The following MTMR4 variants were observed in gnomAD, a reference collection of about 807,000 sequenced individuals.
MTMR4 encodes myotubularin related protein 4.
Under a neutral mutation model 125.5 loss-of-function variants are expected in MTMR4, and 30 were observed. That is an observed-to-expected ratio of 0.24 (90% CI 0.18 to 0.32). The LOEUF is 0.32. Among genes scored for constraint, MTMR4 ranks in the 10% least tolerant of loss-of-function variants. The pLI, the probability that MTMR4 is intolerant of heterozygous loss-of-function variation, is 1.00. For missense variants in MTMR4, 1,039 were observed against 1,511.5 expected, an observed-to-expected ratio of 0.69 and a Z score of 5.18; for synonymous variants, 498 against 564.5, an observed-to-expected ratio of 0.88 and a Z score of 1.67.
At chr17:58,499,872 C>T (rs1242486387) in intron 14 of MTMR4, among the ~76,000 whole-genome samples, 1 of 151,620 alleles carries the variant, frequency 6.6e-6, no homozygotes, top group Non-Finnish European at 1.5e-5. Flanking sequence ...CCTCATGATC[C>T]GCCCGCCTCG....
upstream of MTMR4, among the ~76,000 whole-genome samples, chr17:58,515,479 T>TA (rs552953932): frequency 2.2e-4 from 34 of 152,228 alleles, 1 homozygote; most frequent in Non-Finnish European, 2.1e-4. Flanking sequence ...GACATTTTAT[T>TA]AAGCATCTAC....
In MTMR4 at chr17:58,508,618, T is replaced by C; in HGVS notation, c.497-54A>G. On this transcript the variant is annotated intron_variant, in intron 5 of 17. Coordinates refer to ENST00000682306, the MANE Select transcript of MTMR4 (RefSeq NM_001378067.1). This position sits in a 1 kb window ranked among gnomAD's most constrained non-coding sequence, Gnocchi z 4.8. ...TTCCCAGAGCACCAATGTGCAGGAG[T>C]GGAGGAGGGATGAGAACTAAGGGGT... 6.2e-7 allele frequency: 1 copy of C among 1,613,346 alleles called. No individual in the cohort carries two copies. Among genetic ancestry groups the C allele is most frequent in the East Asian group, 2.2e-5 (1 of 44,858 alleles).
intron 14 of MTMR4, among the ~76,000 whole-genome samples, chr17:58,496,597 T>G (rs1975473048): frequency 6.6e-6 from 1 of 152,128 alleles, no homozygotes; most frequent in Non-Finnish European, 1.5e-5. Context: ...AACCTACCAG[T>G]CTCCCTGGGC....
At chr17:58,501,927 C>T (rs1461448333) in intron 14 of MTMR4, among the ~76,000 whole-genome samples, 1 of 151,682 alleles carries the variant, frequency 6.6e-6, no homozygotes, top group Non-Finnish European at 1.5e-5. Flanking sequence ...GGCATGGTGG[C>T]GCATGCCTGT....
Position 58,503,829 on chromosome 17 carries a change from G to A in MTMR4, c.1768C>T (p.Pro590Ser), listed in dbSNP as rs1344213022. Residue 590 changes from proline to serine, a missense_variant, in exon 14 of 18, where the codon CCA becomes TCA. Coordinates refer to ENST00000682306, the MANE Select transcript of MTMR4 (RefSeq NM_001378067.1). ...ATGTTTTCTTCCCCAAGTGTGCATG[G>A]AGATGATGCTGGCAGATAAACAGCT... ...WTAVYLPASS[P>S]CTLGEENMDL... is the part of the protein sequence containing the mutation. The A allele has an allele frequency of 3.1e-6, 5 of 1,614,074 alleles. No homozygotes were observed. The highest frequency in any genetic ancestry group is 4.2e-6 in the Non-Finnish European group (5 of 1,180,036).
At chr17:58,513,861 A>T (rs1397287769) in intron 1 of MTMR4, 3 of 152,508 alleles carry the variant, frequency 2.0e-5, no homozygotes, top group African/African-American at 7.2e-5. Flanking sequence ...AAGATGGAGA[A>T]GAGAGGCTGT....
chr17:58,514,480 C>T lies in MTMR4; in HGVS notation c.-73G>A. On this transcript the variant is annotated 5_prime_UTR_variant, in exon 1 of 18. Transcript: ENST00000682306. ...CTGCCCGCCAGCCCCGGGCGCCCGC[C>T]GCATCCCGGCTGCGGGGCTCGCCAG... is the stretch of plus-strand genomic sequence containing the variant. 1.0e-6 allele frequency: 1 copy of T among 984,902 alleles called. No homozygotes were observed. The highest frequency in any genetic ancestry group is 4.7e-5 in the South Asian group (1 of 21,286). 61.0% of individuals were successfully genotyped at this position (984,902 alleles called of 1,614,324 possible). A position where few individuals can be genotyped will look rare whatever the true frequency, so the allele number is the denominator to read the frequency against.
At position 58,504,412 on chromosome 17, in the gene MTMR4, T is replaced by G. The variant is rs770833294; in HGVS notation, c.1418A>C (p.Asn473Thr). 1.9e-6 allele frequency: 3 copies of G among 1,614,110 alleles called. No individual in the cohort carries two copies. The South Asian group carries it at 3.3e-5, about 18-fold the overall frequency. ...KFGDRCGHQE[N>T]VEDQNEQCPV... is the part of the protein sequence containing the mutation. ...GCATTGTTCGTTTTGGTCCTCCACA[T>G]TCTCTTGGTGGCCACAGCGATCTCC... The change falls in exon 12 of 18, where the codon AAT becomes ACT. Residue 473 changes from asparagine (N) to threonine (T), a missense_variant. Coordinates refer to ENST00000682306, the MANE Select transcript of MTMR4 (RefSeq NM_001378067.1). The surrounding 1 kb of genome is among the most constrained non-coding windows in gnomAD (Gnocchi z 7.1).
chr17:58,512,389 C>G lies in MTMR4; in HGVS notation c.252+1G>C. ...GGTAGGAGAACAATACAGAAACTCA[C>G]GTTGATGACAGAGTCCTTGAATTTG... On this transcript the variant is annotated splice_donor_variant, in intron 3 of 17. Transcript: ENST00000682306. LOFTEE classifies it high-confidence loss of function. The surrounding 1 kb of genome is among the most constrained non-coding windows in gnomAD (Gnocchi z 4.1). 1.2e-6 allele frequency: 2 copies of G among 1,608,410 alleles called. No individual in the cohort carries two copies. The highest frequency in any genetic ancestry group is 2.2e-5 in the East Asian group (1 of 44,858).
chr17:58,492,072 T>A (rs568702625), intron 17 of MTMR4, among the ~76,000 whole-genome samples: 2 of 152,298 alleles, frequency 1.3e-5, no homozygotes, highest in East Asian at 3.9e-4. Flanking sequence ...TGATACTAAA[T>A]GAAAAGTTGG....
intron 14 of MTMR4, among the ~76,000 whole-genome samples, chr17:58,498,120 A>T (rs1443953774): frequency 1.3e-5 from 2 of 152,020 alleles, no homozygotes; most frequent in African/African-American, 4.8e-5. Flanking sequence ...CCCAGCTCCT[A>T]CTTGGGAGGC....
intron 14 of MTMR4, among the ~76,000 whole-genome samples, chr17:58,501,451 AC>A (rs1975626139): frequency 6.6e-6 from 1 of 151,998 alleles, no homozygotes; most frequent in East Asian, 1.9e-4. Flanking sequence ...GTGCCACTGC[AC>A]CCAGCCTGAG....
upstream of MTMR4, chr17:58,516,539 T>C: frequency 6.2e-7 from 1 of 1,612,450 alleles, no homozygotes; most frequent in Non-Finnish European, 8.5e-7. Context: ...ACACATGGAT[T>C]ACAGAAAACA....
At chr17:58,511,195 C>G (rs1471668067) in intron 4 of MTMR4, 2 of 416,290 alleles carry the variant, frequency 4.8e-6, no homozygotes, top group Non-Finnish European at 8.6e-6. Context: ...TACACATTAT[C>G]TCACTTAATC....
At position 58,492,994 on chromosome 17, in the gene MTMR4, T is replaced by C. The variant is rs374279752; in HGVS notation, c.3253-42A>G. On this transcript the variant is annotated intron_variant, in intron 15 of 17. Coordinates refer to ENST00000682306, the MANE Select transcript of MTMR4 (RefSeq NM_001378067.1). ...GACAACAAATTATCTTCATCATCAT[T>C]AACGCTTACTGTTTACCATGTGTCA... The C allele has an allele frequency of 8.7e-6, 13 of 1,495,116 alleles. No individual in the cohort carries two copies. In the African/African-American group the frequency reaches 1.1e-4, roughly 13 times the overall value. 92.6% of individuals were successfully genotyped at this position (1,495,116 alleles called of 1,614,324 possible).
chr17:58,501,893 T>A (rs1245892180), intron 14 of MTMR4, among the ~76,000 whole-genome samples: 1 of 151,736 alleles, frequency 6.6e-6, no homozygotes, highest in African/African-American at 2.4e-5. Flanking sequence ...ACCCCGTCTC[T>A]ACTACAAATA....
At chr17:58,517,235 C>T (rs2042029695), upstream of MTMR4, among the ~76,000 whole-genome samples, 1 of 152,228 alleles carries the variant, frequency 6.6e-6, no homozygotes, top group South Asian at 2.1e-4. Context: ...ACAACAGGGA[C>T]AGAATCAGGC....
intron 15 of MTMR4, among the ~76,000 whole-genome samples, chr17:58,494,574 C>T (rs1567925902): frequency 6.6e-6 from 1 of 152,118 alleles, no homozygotes; most frequent in Non-Finnish European, 1.5e-5. Flanking sequence ...CTCGCATGTC[C>T]CATCTTTTTA....
rs3744108 is a variant in MTMR4 at position 58,508,511 on chromosome 17, G to C, written c.550C>G (p.Leu184Val). The C allele has an allele frequency of 0.38, 618,531 of 1,613,934 alleles. 121,363 individuals are homozygous for C. Among genetic ancestry groups the C allele is most frequent in the Admixed American group, 0.56 (33,776 of 60,004 alleles). ...TGTGAGACTCTCCAGACGTTCTGCA[G>C]GTCAAAGCCCATCCTTGCAAGCTCC... ...EAELARMGFD[L>V]QNVWRVSHIN... is the part of the protein sequence containing the mutation. Residue 184 changes from leucine (L) to valine (V), a missense_variant, in exon 6 of 18, where the codon CTG becomes GTG. By Grantham distance (32) the Leu-to-Val change is conservative (BLOSUM62 1). This residue lies in a region of MTMR4 where 202 missense variants were observed against 311.9 expected (regional missense o/e 0.65). Transcript: ENST00000682306. The surrounding 1 kb of genome is among the most constrained non-coding windows in gnomAD (Gnocchi z 4.8).
Sources: allele counts gnomAD v4.1 joint callset (sites outside exome capture counted in the v4.1 genomes callset), GRCh38; gene constraint gnomAD v4.1.1; regional missense constraint gnomAD v4.1.1; non-coding constraint Gnocchi (gnomAD v3.1); transcripts MANE v1.5; gene names NCBI Gene and HGNC (gene_info 2026-07-23, HGNC 2026-07-21).